PPFIBP1: variants seen among roughly 807,000 people sequenced by gnomAD.
PPFIBP1 encodes the protein liprin-beta-1.
In PPFIBP1, 112 loss-of-function variants were observed where a neutral mutation model predicts 137.8. That is an observed-to-expected ratio of 0.81 (90% CI 0.70 to 0.95). The LOEUF (loss-of-function observed/expected upper bound fraction) is 0.95, where lower values mean the gene tolerates loss of function less well. Among genes scored for constraint, PPFIBP1 ranks in the 40% least tolerant of loss-of-function variants. PPFIBP1 has a pLI of 0.00. For missense variants in PPFIBP1, 1,083 were observed against 1,196.6 expected (o/e 0.91, Z 1.40); for synonymous variants, 378 against 417.3 (o/e 0.91, Z 1.15).
intron 2 of PPFIBP1, among the ~76,000 whole-genome samples, chr12:27,586,460 G>T (rs2051763833): frequency 6.6e-6 from 1 of 152,144 alleles, no homozygotes; most frequent in African/African-American, 2.4e-5. Context: ...GCCCTTGGGA[G>T]GCCAAGGTGG....
At chr12:27,564,154 A>AGCC (rs2049434268) in intron 1 of PPFIBP1, among the ~76,000 whole-genome samples, 1 of 152,216 alleles carries the variant, frequency 6.6e-6, no homozygotes, top group Non-Finnish European at 1.5e-5. Context: ...TACAGGCGTG[A>AGCC]GCCACCGTGC....
At chr12:27,600,696 G>A (rs2137723098) in intron 2 of PPFIBP1, among the ~76,000 whole-genome samples, 1 of 152,064 alleles carries the variant, frequency 6.6e-6, no homozygotes, top group African/African-American at 2.4e-5. Context: ...TTACATATTA[G>A]TATATCATTT....
At chr12:27,541,111 G>A (rs1945604804) in intron 1 of PPFIBP1, among the ~76,000 whole-genome samples, 1 of 152,128 alleles carries the variant, frequency 6.6e-6, no homozygotes, top group African/African-American at 2.4e-5. Context: ...TGCTCTGGAA[G>A]TCTCTATTCT....
chr12:27,677,787 G>T (rs1342509819), intron 19 of PPFIBP1: 1 of 152,240 alleles, frequency 6.6e-6, no homozygotes, highest in Admixed American at 6.5e-5. Context: ...AAGCTAGGCA[G>T]CATTTTCAGG....
intron 2 of PPFIBP1, among the ~76,000 whole-genome samples, chr12:27,597,708 G>A (rs1350054892): frequency 3.3e-5 from 5 of 152,298 alleles, no homozygotes; most frequent in East Asian, 1.9e-4. Context: ...ATTTCCCAGC[G>A]TAAACCACCA....
chr12:27,694,670 G>A lies in PPFIBP1; in HGVS notation c.*1788G>A, dbSNP rs949290911. ...CCAAATATTCTTTGTAAAGAAAATC[G>A]CTGCAGCAAAAACTGTTACTGTGTT... On this transcript the variant is annotated 3_prime_UTR_variant, in exon 30 of 30. Coordinates refer to ENST00000228425, the MANE Select transcript of PPFIBP1 (RefSeq NM_003622.4). The A allele has an allele frequency of 7.2e-5, 11 of 152,120 alleles. No homozygotes were observed. Among genetic ancestry groups the A allele is most frequent in the African/African-American group, 1.9e-4 (8 of 41,446 alleles). The allele number at this position is 152,120 out of a possible 1,614,324, so 9.4% of individuals were successfully genotyped here.
chr12:27,648,383 C>CT (rs1328590105), intron 6 of PPFIBP1, among the ~76,000 whole-genome samples: 1 of 152,124 alleles, frequency 6.6e-6, no homozygotes, highest in African/African-American at 2.4e-5. Flanking sequence ...AAAGGGAACC[C>CT]TTGTACACTG....
At chr12:27,687,647 C>G (rs1241890990) in intron 25 of PPFIBP1, 140 bp downstream of exon 25, 1 of 1,001,036 alleles carries the variant, frequency 1.0e-6, no homozygotes, top group Non-Finnish European at 1.4e-6. Flanking sequence ...TAGGCTTTTT[C>G]TGTATTCCTT....
intron 5 of PPFIBP1, chr12:27,646,408 C>CTTTT (rs59630572): frequency 6.8e-5 from 24 of 350,900 alleles, no homozygotes; most frequent in East Asian, 7.3e-5. Flanking sequence ...CTGATCTGTT[C>CTTTT]TTTTTTTTTT....
At chr12:27,655,052 A>T in intron 8 of PPFIBP1, 1 of 1,104,936 alleles carries the variant, frequency 9.1e-7, no homozygotes, top group Non-Finnish European at 1.3e-6. Context: ...GTTGTATCTA[A>T]CCTCCTTTAT....
intron 15 of PPFIBP1, among the ~76,000 whole-genome samples, chr12:27,673,095 G>C (rs960571271): frequency 2.0e-5 from 3 of 152,120 alleles, no homozygotes; most frequent in Admixed American, 6.6e-5. Flanking sequence ...CTGTTTCGTA[G>C]AGGCAAATAC....
chr12:27,533,915 C>T (rs1007351541), intron 1 of PPFIBP1, among the ~76,000 whole-genome samples: 3 of 152,152 alleles, frequency 2.0e-5, no homozygotes, highest in Middle Eastern at 3.2e-3. Flanking sequence ...TCATGCCATC[C>T]AGTGCAACAG....
chr12:27,535,773 A>G (rs923118913), intron 1 of PPFIBP1, among the ~76,000 whole-genome samples: 5 of 152,216 alleles, frequency 3.3e-5, no homozygotes, highest in Admixed American at 2.6e-4. Context: ...ACGCATATGT[A>G]TATTGTTATG....
Position 27,664,425 on chromosome 12 carries a change from G to C in PPFIBP1, c.970G>C (p.Val324Leu). Residue 324 changes from valine (V) to leucine (L), a missense_variant, in exon 12 of 30, where the codon GTA becomes CTA. Transcript: ENST00000228425. ...GTACAAGAAAATGCAAGACACGGTG[G>C]TACTGGCCCAAGGTAAAAAAGGTAG... ...NRYKKMQDTVVLAQGKKGKDG... is the reference protein window; with the variant it reads ...NRYKKMQDTVLLAQGKKGKDG... 2 of 1,612,448 alleles carry C rather than the reference G, an allele frequency of 1.2e-6. No individual in the cohort carries two copies. The highest frequency in any genetic ancestry group is 1.7e-6 in the Non-Finnish European group (2 of 1,178,818).
In PPFIBP1 at chr12:27,671,488, A is replaced by G. The variant is rs775380033; in HGVS notation, c.1204A>G (p.Met402Val). The G allele has an allele frequency of 6.2e-7, 1 of 1,604,340 alleles. No individual in the cohort carries two copies. Among genetic ancestry groups the G allele is most frequent in the Admixed American group, 1.7e-5 (1 of 58,122 alleles). The stretch of plus-strand genomic sequence containing the variant: ...TTCATTATTGCCAGCAACTGTAAGC[A>G]TGGAAACTTCTGAAAAATCAAAGTT... ...IPSLLPATVS[M>V]ETSEKSKLTP... The change falls in exon 14 of 30, where the codon ATG becomes GTG. Residue 402 changes from methionine to valine, a missense_variant. Coordinates refer to ENST00000228425, the MANE Select transcript of PPFIBP1 (RefSeq NM_003622.4).
At chr12:27,599,284 G>A (rs2053686607) in intron 2 of PPFIBP1, 1 of 288,042 alleles carries the variant, frequency 3.5e-6, no homozygotes, top group Admixed American at 4.1e-5. Flanking sequence ...ATCCATTGAG[G>A]CCTGAGTAAA....
chr12:27,655,679 C>T (rs899305923), intron 8 of PPFIBP1, among the ~76,000 whole-genome samples: 1 of 152,160 alleles, frequency 6.6e-6, no homozygotes, highest in East Asian at 1.9e-4. Context: ...ACACTTCCTG[C>T]CAGTGCTACT....
At chr12:27,572,639 G>T (rs7953859) in intron 1 of PPFIBP1, among the ~76,000 whole-genome samples, 99,380 of 151,966 alleles carry the variant, frequency 0.65, 33,089 homozygotes, top group African/African-American at 0.78. Flanking sequence ...ATTGACTACA[G>T]TGACTTTTAT....
At chr12:27,531,258 C>T (rs899660600) in intron 1 of PPFIBP1, among the ~76,000 whole-genome samples, 4 of 151,986 alleles carry the variant, frequency 2.6e-5, no homozygotes, top group African/African-American at 9.7e-5. Flanking sequence ...GATATATGTG[C>T]CATAGCATTT....
Sources: gnomAD v4.1 joint callset for allele counts (sites outside exome capture counted in the v4.1 genomes callset) on GRCh38, gnomAD v4.1.1 for gene constraint, MANE v1.5 for transcripts, NCBI Gene and HGNC (gene_info 2026-07-23, HGNC 2026-07-21) for gene names.